The following SULT2A1 variants were observed in gnomAD, a reference collection of about 807,000 sequenced individuals.
The protein encoded by SULT2A1 is sulfotransferase family 2A member 1, also known as sulfotransferase 2A1.
A neutral mutation model predicts 33.9 loss-of-function variants in SULT2A1; 43 were observed. That is an observed-to-expected ratio of 1.27 (90% CI 1.00 to 1.64). The LOEUF is 1.64. Ranked by LOEUF, SULT2A1 falls within the 40% of genes most tolerant of loss-of-function variation. SULT2A1 has a pLI of 0.00. For missense variants in SULT2A1, 300 were observed against 335.1 expected (o/e 0.90, Z 0.82); for synonymous variants, 125 against 113.6 (o/e 1.10, Z -0.64).
chr19:47,883,429 A>G (rs538235875), intron 2 of SULT2A1, 148 bp downstream of exon 2: 514 of 771,814 alleles, frequency 6.7e-4, no homozygotes, highest in Non-Finnish European at 1.0e-3. Flanking sequence ...GAGCAGCCAC[A>G]TAGGTGTCAC....
At chr19:47,880,874 T>C (rs1353276000) in intron 3 of SULT2A1, among the ~76,000 whole-genome samples, 1 of 151,228 alleles carries the variant, frequency 6.6e-6, no homozygotes, top group Admixed American at 6.6e-5. Context: ...AATGAAGATA[T>C]TAATCAAGAT....
chr19:47,883,819 A>G, intron 1 of SULT2A1, 34 bp from the exon 2 acceptor site: 5 of 1,596,934 alleles, frequency 3.1e-6, no homozygotes, highest in Non-Finnish European at 4.3e-6. Flanking sequence ...TATAAAATGT[A>G]CCATCTCAGC....
At chr19:47,873,045 A>T (rs1465980320) in intron 5 of SULT2A1, among the ~76,000 whole-genome samples, 1 of 151,868 alleles carries the variant, frequency 6.6e-6, no homozygotes, top group Non-Finnish European at 1.5e-5. Context: ...TACAGGCGTG[A>T]GCCACCGTAC....
At position 47,874,616 on chromosome 19, in the gene SULT2A1, T is replaced by C. The variant is rs981411764; in HGVS notation, c.745+41A>G. 1.1e-5 allele frequency: 17 copies of C among 1,497,230 alleles called. No individual in the cohort carries two copies. In the Admixed American group the frequency reaches 2.7e-4, roughly 24 times the overall value. The allele number at this position is 1,497,230 out of a possible 1,614,324, so 92.7% of individuals were successfully genotyped here. On this transcript the variant is annotated intron_variant, in intron 5 of 5. Transcript: ENST00000222002. ...GTTGTGACCATAGGCATGCATGCCG[T>C]GTATTCTGGTATATTTGGAAACCAG...
intron 1 of SULT2A1, among the ~76,000 whole-genome samples, chr19:47,885,058 G>T (rs1470812182): frequency 6.6e-6 from 1 of 152,060 alleles, no homozygotes; most frequent in African/African-American, 2.4e-5. Flanking sequence ...CAATCCACCT[G>T]CCTTGACCTC....
Position 47,871,378 on chromosome 19 carries a change from T to C in SULT2A1, c.*77A>G. ...GGATAAAATAATAAGTCTTACACAA[T>C]GACCCCAGTCAGGTACATGTACAAG... On this transcript the variant is annotated 3_prime_UTR_variant, in exon 6 of 6. Coordinates refer to ENST00000222002, the MANE Select transcript of SULT2A1 (RefSeq NM_003167.4). 1 of 1,047,932 alleles carries C rather than the reference T, an allele frequency of 9.5e-7. No individual in the cohort carries two copies. The highest frequency in any genetic ancestry group is 1.6e-5 in the African/African-American group (1 of 63,424). 64.9% of individuals were successfully genotyped at this position (1,047,932 alleles called of 1,614,324 possible).
At chr19:47,875,344 G>A (rs750999399) in intron 4 of SULT2A1, among the ~76,000 whole-genome samples, 1 of 151,622 alleles carries the variant, frequency 6.6e-6, no homozygotes, top group Non-Finnish European at 1.5e-5. Context: ...GTATGTAAAA[G>A]ATGCAAGGAT....
intron 3 of SULT2A1, among the ~76,000 whole-genome samples, chr19:47,880,246 A>AC (rs1555804742): frequency 3.3e-5 from 5 of 150,420 alleles, no homozygotes; most frequent in Non-Finnish European, 7.4e-5. Flanking sequence ...CAAAAAAAAA[A>AC]AAAAAAAAAA....
At chr19:47,877,242 C>CTTT (rs796987293) in intron 4 of SULT2A1, among the ~76,000 whole-genome samples, 2 of 142,640 alleles carry the variant, frequency 1.4e-5, no homozygotes, top group Non-Finnish European at 3.1e-5. Flanking sequence ...AGGTCAAGTT[C>CTTT]TTTTTTTTTT....
In SULT2A1 at chr19:47,871,530, G is replaced by A; in HGVS notation, c.783C>T (p.Ala261=). 6.2e-7 allele frequency: 1 copy of A among 1,613,896 alleles called. No individual in the cohort carries two copies. The highest frequency in any genetic ancestry group is 8.5e-7 in the Non-Finnish European group (1 of 1,179,998). ...ACAATTTATCAAAGTCTTCAGCTTG[G>A]GCCACTGTGAAGTGATTTTTCCAGT... The part of the protein sequence containing the change: ...SGDWKNHFTV[A]QAEDFDKLFQ... The change falls in exon 6 of 6, where the codon GCC becomes GCT. Residue 261 remains alanine (A), a synonymous_variant. Transcript: ENST00000222002.
intron 5 of SULT2A1, among the ~76,000 whole-genome samples, chr19:47,872,421 G>A (rs186258870): frequency 9.9e-5 from 15 of 152,100 alleles, no homozygotes; most frequent in Admixed American, 2.0e-4. Context: ...TACCCTCTCC[G>A]TCACTCTACT....
Position 47,871,289 on chromosome 19 carries a change from C to T in SULT2A1, c.*166G>A, listed in dbSNP as rs867106499. On this transcript the variant is annotated 3_prime_UTR_variant, in exon 6 of 6. Coordinates refer to ENST00000222002, the MANE Select transcript of SULT2A1 (RefSeq NM_003167.4). ...ACAGGCATGAACCACCGTGCCTGGC[C>T]AACCCTGGTAACTTTTAACAAGGAA... The T allele has an allele frequency of 1.3e-4, 80 of 614,886 alleles. No homozygotes were observed. The highest frequency in any genetic ancestry group is 1.2e-3 in the African/African-American group (64 of 53,962). The allele number at this position is 614,886 out of a possible 1,614,324, so 38.1% of individuals were successfully genotyped here.
At chr19:47,879,946 A>G (rs1257024898) in intron 3 of SULT2A1, among the ~76,000 whole-genome samples, 1 of 152,008 alleles carries the variant, frequency 6.6e-6, no homozygotes, top group Non-Finnish European at 1.5e-5. Flanking sequence ...AAATTAAAAA[A>G]AAAACCTAGG....
intron 4 of SULT2A1, among the ~76,000 whole-genome samples, chr19:47,876,579 G>A (rs1968546018): frequency 6.6e-6 from 1 of 151,950 alleles, no homozygotes; most frequent in Non-Finnish European, 1.5e-5. Context: ...ATTCCAGCTT[G>A]GTCAACGTGG....
At chr19:47,880,948 A>G (rs1194937483) in intron 3 of SULT2A1, among the ~76,000 whole-genome samples, 1 of 152,122 alleles carries the variant, frequency 6.6e-6, no homozygotes, top group Non-Finnish European at 1.5e-5. Flanking sequence ...GTGGGATGGG[A>G]AAAGAGAATG....
chr19:47,879,548 A>G (rs1310159725), intron 3 of SULT2A1, among the ~76,000 whole-genome samples: 2 of 151,988 alleles, frequency 1.3e-5, no homozygotes, highest in Admixed American at 1.3e-4. Context: ...CACTTATAAT[A>G]CCATCAGATC....
In SULT2A1 at chr19:47,870,748, G is replaced by A. The variant is rs1968481623; in HGVS notation, c.*707C>T. 6.8e-6 allele frequency: 1 copy of A among 147,386 alleles called. No individual in the cohort carries two copies. The highest frequency in any genetic ancestry group is 2.2e-4 in the South Asian group (1 of 4,472). 9.1% of individuals were successfully genotyped at this position (147,386 alleles called of 1,614,324 possible). The stretch of plus-strand genomic sequence containing the variant: ...TTATTCTTGTAGCATTCTGTAAACG[G>A]GAAACATTGCAAACATTTAAAAAAG... On this transcript the variant is annotated 3_prime_UTR_variant, in exon 6 of 6. Transcript: ENST00000222002.
chr19:47,876,529 C>G (rs1968545550), intron 4 of SULT2A1, among the ~76,000 whole-genome samples: 1 of 151,982 alleles, frequency 6.6e-6, no homozygotes, highest in Non-Finnish European at 1.5e-5. Context: ...GGTAGCCAAC[C>G]AAACTTGTTA....
At position 47,871,483 on chromosome 19, in the gene SULT2A1, A is replaced by C; in HGVS notation, c.830T>G (p.Leu277Arg). 6.2e-7 allele frequency: 1 copy of C among 1,614,102 alleles called. No individual in the cohort carries two copies. The highest frequency in any genetic ancestry group is 8.5e-7 in the Non-Finnish European group (1 of 1,179,998). Residue 277 changes from leucine (L) to arginine (R), a missense_variant, in exon 6 of 6, where the codon CTT (leucine) becomes CGT (arginine). Transcript: ENST00000222002. ...TTCCCATGGGAACAGCTCTCGAGGA[A>C]GATCTGCCATCTTCTCTTGGAACAA... ...DKLFQEKMAD[L>R]PRELFPWE
Sources: allele counts gnomAD v4.1 joint callset (sites outside exome capture counted in the v4.1 genomes callset), GRCh38; gene constraint gnomAD v4.1.1; transcripts MANE v1.5; gene names NCBI Gene and HGNC (gene_info 2026-07-23, HGNC 2026-07-21).